Variants in RP1 observed in about 807,000 individuals in gnomAD.
The protein encoded by RP1 is RP1 axonemal microtubule associated.
Under a neutral mutation model 14.8 loss-of-function variants are expected in RP1, and 16 were observed. The ratio of observed to expected loss-of-function variants is 1.08; its 90% CI spans 0.73 to 1.65. RP1 has a LOEUF of 1.65. Ranked by LOEUF, RP1 falls within the 40% of genes most tolerant of loss-of-function variation. The probability of loss-of-function intolerance (pLI) is 0.00; values close to 1 mark genes in which losing one functional copy is unlikely to be tolerated. For missense variants in RP1, 2,631 were observed against 2,535.0 expected (o/e 1.04, Z -0.81); for synonymous variants, 876 against 883.6 (o/e 0.99, Z 0.15).
intron 1 of RP1, among the ~76,000 whole-genome samples, chr8:54,583,098 C>T (rs1804836045): frequency 6.6e-6 from 1 of 152,122 alleles, no homozygotes; most frequent in Non-Finnish European, 1.5e-5. Flanking sequence ...GGGAATGCTT[C>T]CAGTTTTTGC....
At chr8:54,563,627 C>T (rs1277614043) in intron 1 of RP1, among the ~76,000 whole-genome samples, 1 of 152,062 alleles carries the variant, frequency 6.6e-6, no homozygotes, top group Non-Finnish European at 1.5e-5. Flanking sequence ...CTCACTACAG[C>T]CTTGAATTCC....
intron 12 of RP1, among the ~76,000 whole-genome samples, chr8:54,684,496 A>T (rs1410887017): frequency 6.6e-6 from 1 of 152,042 alleles, no homozygotes; most frequent in African/African-American, 2.4e-5. Context: ...AGAACTCCTT[A>T]TTCATCTATT....
Position 54,868,635 on chromosome 8 carries a change from T to G in RP1, c.4152-1208T>G, listed in dbSNP as rs191659436. On this transcript the variant is annotated intron_variant, in intron 28 of 28. Coordinates refer to the RP1 transcript ENST00000637698. ...GTCTATCAATCTGTTGTTTCTATGA[T>G]ATAACTATGATTTTGTGAATTATCT... is the stretch of plus-strand genomic sequence containing the variant. Among the ~76,000 whole-genome samples the G allele has an allele frequency of 9.6e-4, 146 of 152,308 alleles. 3 individuals are homozygous for G. The Middle Eastern group carries it at 0.037, about 39-fold the overall frequency.
intron 16 of RP1, among the ~76,000 whole-genome samples, chr8:54,725,396 G>T (rs1808630125): frequency 6.6e-6 from 1 of 152,052 alleles, no homozygotes. Context: ...GTATTTAAAA[G>T]CTTATTATTG....
At chr8:54,568,375 G>A (rs1455465508) in intron 1 of RP1, among the ~76,000 whole-genome samples, 1 of 152,240 alleles carries the variant, frequency 6.6e-6, no homozygotes, top group East Asian at 1.9e-4. Flanking sequence ...CCAAAATAAT[G>A]TTTGTTGAAT....
chr8:54,761,027 TC>T (rs1809625603), intron 22 of RP1, among the ~76,000 whole-genome samples: 1 of 152,154 alleles, frequency 6.6e-6, no homozygotes, highest in Non-Finnish European at 1.5e-5. Flanking sequence ...TGGTGGAAGC[TC>T]TGTTTTATTC....
rs1808914632 is a variant in RP1 at position 54,736,140 on chromosome 8, T to C, written c.2721+1396T>C. ...AGACTGCAAATCGGATGAGCTAGAT[T>C]GGAGTCCTTGCTTCCCACATGTTAG... On this transcript the variant is annotated intron_variant, in intron 18 of 22. Transcript: ENST00000636932. 2.0e-5 allele frequency among the ~76,000 whole-genome samples: 3 copies of C among 152,332 alleles called. No individual in the cohort carries two copies. In the South Asian group the frequency reaches 6.2e-4, roughly 32 times the overall value.
intron 24 of RP1, among the ~76,000 whole-genome samples, chr8:54,825,160 T>G (rs1661708261): frequency 6.6e-6 from 1 of 152,066 alleles, no homozygotes; most frequent in Admixed American, 6.5e-5. Context: ...GAGGTTTCAT[T>G]GTGTTAGCCA....
intron 18 of RP1, among the ~76,000 whole-genome samples, chr8:54,738,103 C>T (rs568351689): frequency 3.0e-4 from 46 of 152,100 alleles, no homozygotes; most frequent in African/African-American, 1.0e-3. Flanking sequence ...GAGATTGTGC[C>T]GTCATTTTCA....
intron 24 of RP1, among the ~76,000 whole-genome samples, chr8:54,792,064 A>C (rs1810477627): frequency 6.6e-6 from 1 of 152,008 alleles, no homozygotes. Flanking sequence ...CTATAATTAT[A>C]TCATACAAAT....
exon 19 of RP1, chr8:54,738,972 T>C (rs1416024831): frequency 2.0e-6 from 3 of 1,516,052 alleles, no homozygotes; most frequent in African/African-American, 1.4e-5. Context: ...GAAACATATA[T>C]AAGATAAGGA....
intron 22 of RP1, among the ~76,000 whole-genome samples, chr8:54,759,531 T>C (rs950585707): frequency 9.9e-5 from 15 of 152,278 alleles, no homozygotes; most frequent in African/African-American, 3.4e-4. Context: ...TTGAGCCCCA[T>C]GAGGGTCAGT....
chr8:54,853,830 A>AAG lies in RP1; in HGVS notation c.3990+1110_3990+1111dup, dbSNP rs1201374143. Among the ~76,000 whole-genome samples the AAG allele has an allele frequency of 7.8e-5, 10 of 128,360 alleles. No individual in the cohort carries two copies. In the East Asian group the frequency reaches 1.5e-3, roughly 19 times the overall value. The allele number at this position is 128,360 out of a possible 152,430, so 84.2% of individuals were successfully genotyped here. ...AAAGAGAAAGGAAGGAAGAGAAACAAAGAGAGAGAAAGAAAGAGAAAGGAA... is the reference window on the plus strand; with the variant it reads ...AAAGAGAAAGGAAGGAAGAGAAACAAAGAGAGAGAGAAAGAAAGAGAAAGGAA... On this transcript the variant is annotated intron_variant, in intron 26 of 28. Transcript: ENST00000637698.
In RP1 at chr8:54,622,168, G is replaced by A. The variant is rs1805900515; in HGVS notation, c.667G>A (p.Gly223Arg). Residue 223 changes from glycine to arginine, a missense_variant, in exon 3 of 4, where the codon GGA (glycine) becomes AGA (arginine). By Grantham distance (125) the Gly-to-Arg change is moderately radical. Transcript: ENST00000220676. ...GAGCTCTGGAGCTGTGGTGGCGGCA[G>A]GAAGGGAGCCATTTAAACCAGGAAA... ...ILSSGAVVAA[G>R]REPFKPGNYD... 2 of 1,613,988 alleles carry A rather than the reference G, an allele frequency of 1.2e-6. No individual in the cohort carries two copies. Among genetic ancestry groups the A allele is most frequent in the East Asian group, 2.2e-5 (1 of 44,880 alleles).
Position 54,627,301 on chromosome 8 carries a change from G to T in RP1, c.3419G>T (p.Gly1140Val). ...LAWLLVLNLKGSMNSFCQVDA... is the reference protein window; with the variant it reads ...LAWLLVLNLKVSMNSFCQVDA... ...TGGCTCTTGGTGCTAAACCTAAAGG[G>T]AAGTATGAATAGCTTCTGTCAAGTT... is the stretch of plus-strand genomic sequence containing the variant. Residue 1140 changes from glycine (G) to valine (V), a missense_variant, in exon 4 of 4, where the codon GGA (glycine) becomes GTA (valine). By Grantham distance (109) the Gly-to-Val change is moderately radical (BLOSUM62 -3). Coordinates refer to ENST00000220676, the MANE Select transcript of RP1 (RefSeq NM_006269.2). 6.2e-7 allele frequency: 1 copy of T among 1,614,108 alleles called. No homozygotes were observed. The highest frequency in any genetic ancestry group is 1.7e-5 in the Admixed American group (1 of 60,024).
At chr8:54,668,770 T>A (rs1014341505) in intron 7 of RP1, among the ~76,000 whole-genome samples, 12 of 152,128 alleles carry the variant, frequency 7.9e-5, no homozygotes, top group African/African-American at 2.9e-4. Context: ...AAACAAGAAA[T>A]GGGGAAAGGA....
At chr8:54,859,989 A>G (rs1010717307) in intron 27 of RP1, among the ~76,000 whole-genome samples, 7 of 152,314 alleles carry the variant, frequency 4.6e-5, no homozygotes, top group Admixed American at 2.0e-4. Flanking sequence ...CACATCCTAA[A>G]AAGCCAGAAT....
chr8:54,780,960 A>C (rs1398758304), intron 23 of RP1: 1 of 984,102 alleles, frequency 1.0e-6, no homozygotes, highest in Non-Finnish European at 1.2e-6. Flanking sequence ...GTTAGACTTT[A>C]CTTCATTGTT....
At chr8:54,656,946 C>T (rs1806766053) in intron 6 of RP1, among the ~76,000 whole-genome samples, 1 of 152,102 alleles carries the variant, frequency 6.6e-6, no homozygotes, top group Admixed American at 6.6e-5. Context: ...TCTTATCTGA[C>T]ATTAGGCTTA....
Sources: allele counts gnomAD v4.1 joint callset (sites outside exome capture counted in the v4.1 genomes callset), GRCh38; gene constraint gnomAD v4.1.1; transcripts MANE v1.5; gene names NCBI Gene and HGNC (gene_info 2026-07-23, HGNC 2026-07-21).